IQCJ: variants seen among roughly 807,000 people sequenced by gnomAD.
IQCJ encodes the protein IQ domain-containing protein J.
IQCJ carries 9 observed loss-of-function variants against 11.0 expected under a neutral mutation model. That is an observed-to-expected ratio of 0.82 (90% CI 0.49 to 1.43). IQCJ has a LOEUF of 1.43. Ranked by LOEUF, IQCJ falls within the 40% of genes most tolerant of loss-of-function variation. IQCJ has a pLI of 0.00. For synonymous variants in IQCJ, 55 were observed against 51.3 expected, an observed-to-expected ratio of 1.07 and a Z score of -0.31; for missense variants, 146 against 133.2, an observed-to-expected ratio of 1.10 and a Z score of -0.47.
chr3:159,151,813 T>G (rs1303239440), intron 1 of IQCJ, among the ~76,000 whole-genome samples: 1 of 152,194 alleles, frequency 6.6e-6, no homozygotes, highest in Non-Finnish European at 1.5e-5. Context: ...TTTTTTGTAT[T>G]TTTAGTAGAG....
intron 1 of IQCJ, among the ~76,000 whole-genome samples, chr3:159,101,800 C>T (rs1473868736): frequency 1.3e-5 from 2 of 152,178 alleles, no homozygotes; most frequent in Non-Finnish European, 2.9e-5. Context: ...TTAGTTCATG[C>T]TCAGTTAACA....
chr3:159,230,648 C>CGAT (rs1279014815), intron 1 of IQCJ, among the ~76,000 whole-genome samples: 1 of 151,956 alleles, frequency 6.6e-6, no homozygotes, highest in Non-Finnish European at 1.5e-5. Context: ...CCCTGACAAG[C>CGAT]GATGAGGAAA....
intron 1 of IQCJ, among the ~76,000 whole-genome samples, chr3:159,173,720 T>A (rs1400092501): frequency 6.6e-6 from 1 of 152,234 alleles, no homozygotes; most frequent in Non-Finnish European, 1.5e-5. Flanking sequence ...TCCTTATGGA[T>A]AATCTTTTCT....
intron 1 of IQCJ, among the ~76,000 whole-genome samples, chr3:159,142,143 C>A (rs959628045): frequency 6.6e-6 from 1 of 152,158 alleles, no homozygotes; most frequent in African/African-American, 2.4e-5. Flanking sequence ...TGTCACAGTT[C>A]CTTGAAATGG....
chr3:159,239,041 T>A (rs1177608798), intron 1 of IQCJ, among the ~76,000 whole-genome samples: 1 of 152,158 alleles, frequency 6.6e-6, no homozygotes, highest in Non-Finnish European at 1.5e-5. Flanking sequence ...AATGATGGGG[T>A]AGATCTATTT....
At chr3:159,171,438 G>A (rs573872273) in intron 1 of IQCJ, among the ~76,000 whole-genome samples, 2 of 152,254 alleles carry the variant, frequency 1.3e-5, no homozygotes, top group East Asian at 3.9e-4. Flanking sequence ...TTAAACACAG[G>A]TTCCTGGAAC....
intron 1 of IQCJ, among the ~76,000 whole-genome samples, chr3:159,187,817 C>T (rs1723458669): frequency 6.6e-6 from 1 of 152,160 alleles, no homozygotes; most frequent in East Asian, 1.9e-4. Context: ...ACATTCTTGT[C>T]CTGAGAGTGA....
At chr3:159,108,019 A>AG (rs1553776501) in intron 1 of IQCJ, among the ~76,000 whole-genome samples, 2 of 151,244 alleles carry the variant, frequency 1.3e-5, no homozygotes, top group Non-Finnish European at 2.9e-5. Context: ...AAAAAAAAAA[A>AG]AAAAAAGAAA....
At chr3:159,085,928 A>C (rs4287945) in intron 1 of IQCJ, among the ~76,000 whole-genome samples, 116,657 of 150,704 alleles carry the variant, frequency 0.77, 45,393 homozygotes, top group African/African-American at 0.84. Context: ...TTAATTAGAT[A>C]CCATTTGTCA....
rs1213355014 is a variant in IQCJ at position 159,263,223 on chromosome 3, C to A, written c.*492C>A. 5.2e-5 allele frequency: 19 copies of A among 363,242 alleles called. No homozygotes were observed. The highest frequency in any genetic ancestry group is 6.1e-5 in the Non-Finnish European group (16 of 261,280). The allele number at this position is 363,242 out of a possible 1,614,324, so 22.5% of individuals were successfully genotyped here. ...ACCTGAAGGGCAGCGCACTTGGCTC[C>A]TGACAATGTGACACCATGTGGCGAT... On this transcript the variant is annotated 3_prime_UTR_variant, in exon 4 of 4. Transcript: ENST00000397832.
intron 1 of IQCJ, among the ~76,000 whole-genome samples, chr3:159,152,947 T>C (rs1235577179): frequency 6.6e-6 from 1 of 152,166 alleles, no homozygotes; most frequent in African/African-American, 2.4e-5. Context: ...GTCAGGGCCA[T>C]TTTGCACAAA....
At chr3:159,183,960 GC>G (rs773454603) in intron 1 of IQCJ, among the ~76,000 whole-genome samples, 6 of 151,102 alleles carry the variant, frequency 4.0e-5, no homozygotes, top group Non-Finnish European at 7.4e-5. Context: ...AGAGTTTCCT[GC>G]CTTTTCTCTT....
intron 1 of IQCJ, among the ~76,000 whole-genome samples, chr3:159,130,387 G>A (rs1347437991): frequency 2.0e-5 from 3 of 152,042 alleles, no homozygotes; most frequent in Admixed American, 6.6e-5. Context: ...CCACAGAATT[G>A]GTGGAACTGT....
intron 1 of IQCJ, among the ~76,000 whole-genome samples, chr3:159,169,627 G>A (rs1722386137): frequency 6.6e-6 from 1 of 152,144 alleles, no homozygotes. Flanking sequence ...GCTGTAGCAA[G>A]TTACCAGAAT....
chr3:159,221,823 A>T (rs1290965655), intron 1 of IQCJ, among the ~76,000 whole-genome samples: 1 of 151,886 alleles, frequency 6.6e-6, no homozygotes, highest in Non-Finnish European at 1.5e-5. Flanking sequence ...GAAAGAATAA[A>T]AAAAAAAAAA....
chr3:159,158,229 A>G (rs2108214025), intron 1 of IQCJ, among the ~76,000 whole-genome samples: 1 of 152,346 alleles, frequency 6.6e-6, no homozygotes, highest in South Asian at 2.1e-4. Context: ...GTTCCCTTAC[A>G]AGCAGCAGTT....
chr3:159,103,521 G>A (rs1391576631), intron 1 of IQCJ, among the ~76,000 whole-genome samples: 1 of 152,142 alleles, frequency 6.6e-6, no homozygotes, highest in Non-Finnish European at 1.5e-5. Context: ...CATCTAAAGA[G>A]CAAACATGTT....
chr3:159,186,070 A>T (rs1441811701), intron 1 of IQCJ, among the ~76,000 whole-genome samples: 1 of 152,226 alleles, frequency 6.6e-6, no homozygotes, highest in Non-Finnish European at 1.5e-5. Context: ...GGGCAGGGCG[A>T]TAGGGACTAG....
chr3:159,196,478 T>C (rs146907841), intron 1 of IQCJ, among the ~76,000 whole-genome samples: 1 of 152,314 alleles, frequency 6.6e-6, no homozygotes, highest in African/African-American at 2.4e-5. Context: ...AGTCAGAATA[T>C]CTGGGAGTAA....
Sources: allele counts gnomAD v4.1 joint callset (sites outside exome capture counted in the v4.1 genomes callset), GRCh38; gene constraint gnomAD v4.1.1; transcripts MANE v1.5; gene names NCBI Gene and HGNC (gene_info 2026-07-23, HGNC 2026-07-21).